Variants in ARSB observed in about 807,000 individuals in gnomAD.
ARSB encodes the protein arylsulfatase B, also known as N-acetylgalactosamine-4-sulfatase.
Under a neutral mutation model 50.9 loss-of-function variants are expected in ARSB, and 41 were observed. The observed-to-expected ratio is 0.81, with a 90% CI of 0.63 to 1.04. ARSB has a LOEUF of 1.04. Among genes scored for constraint, ARSB ranks in the 50% least tolerant of loss-of-function variants. The pLI is 0.00. For synonymous variants in ARSB, 269 were observed against 284.8 expected (o/e 0.94, Z 0.56); for missense variants, 672 against 693.3 (o/e 0.97, Z 0.35).
chr5:78,924,616 T>C (rs1394878795), intron 4 of ARSB, among the ~76,000 whole-genome samples: 1 of 152,236 alleles, frequency 6.6e-6, no homozygotes, highest in Non-Finnish European at 1.5e-5. Flanking sequence ...TTTTGGTACA[T>C]TTCCGTATCA....
chr5:78,932,391 C>T (rs1189969593), intron 4 of ARSB, among the ~76,000 whole-genome samples: 1 of 152,230 alleles, frequency 6.6e-6, no homozygotes, highest in African/African-American at 2.4e-5. Flanking sequence ...GCTAAGTCTC[C>T]ATTCTAACAT....
chr5:78,847,874 T>C (rs1338382865), intron 5 of ARSB, among the ~76,000 whole-genome samples: 4 of 152,110 alleles, frequency 2.6e-5, no homozygotes, highest in Admixed American at 6.5e-5. Context: ...TAGTCTCTCA[T>C]GATCACTTGT....
chr5:78,967,672 A>AT (rs1484815629), intron 2 of ARSB, among the ~76,000 whole-genome samples: 2 of 121,390 alleles, frequency 1.6e-5, no homozygotes, highest in African/African-American at 2.7e-5. Context: ...GACTCCGTAT[A>AT]TAAAAAAAAA....
In ARSB at chr5:78,985,062, G is replaced by A; in HGVS notation, c.187C>T (p.His63Tyr). 1 of 1,541,630 alleles carries A rather than the reference G, an allele frequency of 6.5e-7. No individual in the cohort carries two copies. The highest frequency in any genetic ancestry group is 8.7e-7 in the Non-Finnish European group (1 of 1,145,934). Residue 63 changes from histidine to tyrosine, a missense_variant, in exon 1 of 8, where the codon CAC becomes TAC. By Grantham distance (83) the His-to-Tyr change is moderately conservative. Transcript: ENST00000264914. ...TGCGGCGTGCGGATGCGGGAGCCGT[G>A]GAAGCCGACGTCGTTCCAGCCTAGG... ...DDLGWNDVGF[H>Y]GSRIRTPHLD...
chr5:78,933,535 G>A (rs1369321765), intron 4 of ARSB, among the ~76,000 whole-genome samples: 1 of 151,546 alleles, frequency 6.6e-6, no homozygotes, highest in Non-Finnish European at 1.5e-5. Flanking sequence ...AGTCGCTATT[G>A]TCTGTTTTTC....
chr5:78,814,198 T>C (rs1743911749), intron 6 of ARSB, among the ~76,000 whole-genome samples: 1 of 151,160 alleles, frequency 6.6e-6, no homozygotes, highest in African/African-American at 2.4e-5. Flanking sequence ...CAAAAAGACA[T>C]GCTGTTAATC....
chr5:78,784,972 G>A (rs1749038525), intron 6 of ARSB, among the ~76,000 whole-genome samples: 1 of 151,676 alleles, frequency 6.6e-6, no homozygotes, highest in Non-Finnish European at 1.5e-5. Flanking sequence ...CTAATTTTTT[G>A]TATTTTTAGT....
chr5:78,985,657 AGAC>A (rs1005980540), upstream of ARSB: 2 of 150,672 alleles, frequency 1.3e-5, no homozygotes, highest in Non-Finnish European at 2.8e-5. Flanking sequence ...TCTGACAGTT[AGAC>A]ATTATAATTA....
intron 4 of ARSB, among the ~76,000 whole-genome samples, chr5:78,947,312 T>C (rs1751284464): frequency 6.6e-6 from 1 of 151,962 alleles, no homozygotes; most frequent in Non-Finnish European, 1.5e-5. Context: ...TCCTGCACAG[T>C]AAAGAAAATG....
chr5:78,852,190 G>A lies in ARSB; in HGVS notation c.1143-12764C>T, dbSNP rs184333008. 2.4e-3 allele frequency among the ~76,000 whole-genome samples: 366 copies of A among 152,260 alleles called. 1 individual carries two copies. The highest frequency in any genetic ancestry group is 7.9e-3 in the African/African-American group (330 of 41,544). ...TTACAATTTGGCATGATTTTGCAGC[G>A]GCTGGTACCGATTGTTCCTTTCCAT... On this transcript the variant is annotated intron_variant, in intron 5 of 7. Transcript: ENST00000264914.
chr5:78,957,395 C>A (rs1268650065), intron 3 of ARSB, among the ~76,000 whole-genome samples: 2 of 151,998 alleles, frequency 1.3e-5, no homozygotes, highest in Non-Finnish European at 2.9e-5. Flanking sequence ...CTCAAATAGA[C>A]CCCCCAAAAG....
intron 4 of ARSB, among the ~76,000 whole-genome samples, chr5:78,942,683 G>A (rs1318774462): frequency 6.6e-6 from 1 of 152,120 alleles, no homozygotes; most frequent in Non-Finnish European, 1.5e-5. Context: ...TACATTTGCT[G>A]AGTGCTTTAC....
intron 5 of ARSB, among the ~76,000 whole-genome samples, chr5:78,867,061 G>A (rs1162033026): frequency 6.6e-6 from 1 of 152,136 alleles, no homozygotes; most frequent in African/African-American, 2.4e-5. Flanking sequence ...GGTGACAGAC[G>A]CACCTGGAAA....
At chr5:78,843,591 C>T (rs1481529553) in intron 5 of ARSB, among the ~76,000 whole-genome samples, 1 of 151,656 alleles carries the variant, frequency 6.6e-6, no homozygotes, top group Non-Finnish European at 1.5e-5. Context: ...CCCATTTAAA[C>T]TGCACAGTTA....
intron 5 of ARSB, among the ~76,000 whole-genome samples, chr5:78,876,399 A>G (rs1323112612): frequency 6.6e-6 from 1 of 152,228 alleles, no homozygotes; most frequent in Non-Finnish European, 1.5e-5. Flanking sequence ...GATTTACTTA[A>G]CCCTCTTGCC....
At chr5:78,972,698 G>C (rs191725518) in intron 1 of ARSB, among the ~76,000 whole-genome samples, 1 of 152,310 alleles carries the variant, frequency 6.6e-6, no homozygotes, top group Non-Finnish European at 1.5e-5. Context: ...AAAAGCCCCA[G>C]TGGAGATAAA....
At chr5:78,926,699 C>A (rs1447111768) in intron 4 of ARSB, among the ~76,000 whole-genome samples, 1 of 152,174 alleles carries the variant, frequency 6.6e-6, no homozygotes, top group African/African-American at 2.4e-5. Flanking sequence ...TCTCACCCAG[C>A]CTGATCATTG....
At chr5:78,940,650 G>C (rs1197516878) in intron 4 of ARSB, among the ~76,000 whole-genome samples, 2 of 152,188 alleles carry the variant, frequency 1.3e-5, no homozygotes, top group Non-Finnish European at 2.9e-5. Flanking sequence ...CTATATCTCT[G>C]TTTTGGTACC....
chr5:78,848,425 T>C (rs1260969297), intron 5 of ARSB, among the ~76,000 whole-genome samples: 10 of 150,108 alleles, frequency 6.7e-5, no homozygotes, highest in Non-Finnish European at 1.2e-4. Context: ...TAGTATTCCA[T>C]GGTGTATATG....
Sources: allele counts gnomAD v4.1 joint callset (sites outside exome capture counted in the v4.1 genomes callset), GRCh38; gene constraint gnomAD v4.1.1; transcripts MANE v1.5; gene names NCBI Gene and HGNC (gene_info 2026-07-23, HGNC 2026-07-21).